NBPF3: variants seen among roughly 807,000 people sequenced by gnomAD.
The protein encoded by NBPF3 is NBPF family member NBPF3.
NBPF3 carries 57 observed loss-of-function variants against 78.1 expected under a neutral mutation model. That is an observed-to-expected ratio of 0.73 (90% confidence interval 0.59 to 0.91). The LOEUF is 0.91. Among genes scored for constraint, NBPF3 ranks in the 40% least tolerant of loss-of-function variants. The pLI is 0.00. For synonymous variants in NBPF3, 182 were observed against 271.7 expected, an observed-to-expected ratio of 0.67 and a Z score of 3.25; for missense variants, 510 against 715.3, an observed-to-expected ratio of 0.71 and a Z score of 3.27.
At chr1:21,480,761 A>G (rs1296743278) in intron 11 of NBPF3, among the ~76,000 whole-genome samples, 169 bp from the exon 12 acceptor site, 2 of 151,528 alleles carry the variant, frequency 1.3e-5, no homozygotes, top group African/African-American at 4.8e-5. Flanking sequence ...ATGCAAACCA[A>G]AGAATCTCTA....
At chr1:21,445,354 C>A (rs1264580399) in intron 2 of NBPF3, 135 bp downstream of exon 2, 16 of 1,021,328 alleles carry the variant, frequency 1.6e-5, no homozygotes, top group South Asian at 5.1e-5. Context: ...ATATTAAATA[C>A]GTATTTGTTA....
At position 21,473,526 on chromosome 1, in the gene NBPF3, C is replaced by T. The variant is rs1642723982; in HGVS notation, c.881C>T (p.Ser294Leu). The T allele has an allele frequency of 8.1e-6, 13 of 1,614,230 alleles. No homozygotes were observed. Among genetic ancestry groups the T allele is most frequent in the Non-Finnish European group, 1.1e-5 (13 of 1,180,046 alleles). ...ACATTTGAGGAAGACCAAGTCGACT[C>T]AACTCTCATTGACTCATCCTCTCAT... ...RITFEEDQVD[S>L]TLIDSSSHDE... is the part of the protein sequence containing the mutation. The change falls in exon 7 of 15, where the codon TCA becomes TTA. Residue 294 changes from serine (S) to leucine (L), a missense_variant. By Grantham distance (145) the Ser-to-Leu change is moderately radical. Coordinates refer to ENST00000318249, the MANE Select transcript of NBPF3 (RefSeq NM_032264.6).
chr1:21,483,006 A>G (rs1297447382), intron 14 of NBPF3, 137 bp from the exon 15 acceptor site: 19 of 868,456 alleles, frequency 2.2e-5, no homozygotes, highest in African/African-American at 2.1e-4. Flanking sequence ...CATAAAGGCA[A>G]TAATTTTTTT....
At chr1:21,448,981 T>C (rs1220308807) in intron 2 of NBPF3, among the ~76,000 whole-genome samples, 1 of 152,186 alleles carries the variant, frequency 6.6e-6, no homozygotes, top group African/African-American at 2.4e-5. Flanking sequence ...TTACTTGTTA[T>C]AAAAGTCAGC....
chr1:21,438,523 G>T (rs1203303811), upstream of NBPF3, among the ~76,000 whole-genome samples: 2 of 152,218 alleles, frequency 1.3e-5, no homozygotes, highest in East Asian at 3.8e-4. Flanking sequence ...GATCAAATAA[G>T]CTGTTCTATA....
intron 2 of NBPF3, among the ~76,000 whole-genome samples, chr1:21,466,766 T>C (rs1642293733): frequency 6.6e-6 from 1 of 152,126 alleles, no homozygotes; most frequent in East Asian, 1.9e-4. Flanking sequence ...TCCAAATACA[T>C]GATTTGCTAT....
At chr1:21,459,633 G>T (rs1051304764) in intron 2 of NBPF3, 19 of 252,206 alleles carry the variant, frequency 7.5e-5, no homozygotes, top group South Asian at 1.7e-4. Context: ...AAGCTGTGGG[G>T]AACGGTTGAG....
Position 21,483,184 on chromosome 1 carries a change from T to C in NBPF3, c.1700T>C (p.Leu567Ser). The change falls in exon 15 of 15, where the codon TTG becomes TCG. Residue 567 changes from leucine (L) to serine (S), a missense_variant. Leu to Ser is a moderately radical substitution (Grantham distance 145). Transcript: ENST00000318249. The stretch of plus-strand genomic sequence containing the variant: ...ATGGAAGCAGAAGAGCCTGAAGTCT[T>C]GCAGGACTCACTGGATAGATGTTAT... ...VLMEAEEPEV[L>S]QDSLDRCYST... 1 of 1,605,602 alleles carries C rather than the reference T, an allele frequency of 6.2e-7. No individual in the cohort carries two copies. The highest frequency in any genetic ancestry group is 1.1e-5 in the South Asian group (1 of 90,390).
rs772199404 is a variant in NBPF3 at position 21,471,721 on chromosome 1, T to G, written c.599T>G (p.Leu200Arg). ...CCGGACAACTCCCAGGGACGGGACC[T>G]CCGAGAACAGCTGGCTGAGGGATGT... ...DEPDNSQGRD[L>R]REQLAEGCRL... Residue 200 changes from leucine to arginine, a missense_variant, in exon 5 of 15, where the codon CTC becomes CGC. Coordinates refer to ENST00000318249, the MANE Select transcript of NBPF3 (RefSeq NM_032264.6). 1 of 1,610,744 alleles carries G rather than the reference T, an allele frequency of 6.2e-7. No individual in the cohort carries two copies. The highest frequency in any genetic ancestry group is 1.1e-5 in the South Asian group (1 of 90,780).
rs573244682 is a variant in NBPF3, at chr1:21,473,611, C to T, written c.940+26C>T. 48 of 1,580,306 alleles carry T rather than the reference C, an allele frequency of 3.0e-5. No homozygotes were observed. The African/African-American group carries it at 6.2e-4, about 20-fold the overall frequency. On this transcript the variant is annotated intron_variant, in intron 7 of 14. Coordinates refer to ENST00000318249, the MANE Select transcript of NBPF3 (RefSeq NM_032264.6). ...GTAGCCTCTATTTTCCTGTGTCTCA[C>T]ACCTTTTCCTATGCTGAGGAATATA...
At position 21,479,400 on chromosome 1, in the gene NBPF3, G is replaced by C. The variant is rs1643060132; in HGVS notation, c.1208G>C (p.Arg403Thr). The change falls in exon 10 of 15, where the codon AGG (arginine) becomes ACG (threonine). Residue 403 changes from arginine to threonine, a missense_variant and splice_region_variant. Coordinates refer to ENST00000318249, the MANE Select transcript of NBPF3 (RefSeq NM_032264.6). ...GAGGACCAAGAGGCCACAAGTCCCAGGTGAGTCTGAGAAATTATGGACAGT... is the reference window on the plus strand; with the variant it reads ...GAGGACCAAGAGGCCACAAGTCCCACGTGAGTCTGAGAAATTATGGACAGT... ...KKEDQEATSP[R>T]LSRELLDEKE... The C allele has an allele frequency of 6.2e-7, 1 of 1,609,818 alleles. No homozygotes were observed. The highest frequency in any genetic ancestry group is 1.3e-5 in the African/African-American group (1 of 74,854).
chr1:21,438,826 T>G (rs766608423), upstream of NBPF3, among the ~76,000 whole-genome samples: 2 of 152,234 alleles, frequency 1.3e-5, no homozygotes, highest in African/African-American at 4.8e-5. Flanking sequence ...TGGTGAACTA[T>G]AAAACTCTAA....
At chr1:21,448,624 A>G (rs755238531) in intron 2 of NBPF3, among the ~76,000 whole-genome samples, 4 of 152,208 alleles carry the variant, frequency 2.6e-5, no homozygotes, top group African/African-American at 7.2e-5. Context: ...AGACCATTGT[A>G]GTAAAACTTG....
chr1:21,452,742 C>G (rs568527001), intron 2 of NBPF3, among the ~76,000 whole-genome samples: 6 of 152,318 alleles, frequency 3.9e-5, no homozygotes, highest in Non-Finnish European at 8.8e-5. Context: ...ACCATGTGGT[C>G]TCTTGTTCCC....
rs1570095349 is a variant in NBPF3 at position 21,478,363 on chromosome 1, C to T, written c.1156+56C>T. 3 of 1,587,278 alleles carry T rather than the reference C, an allele frequency of 1.9e-6. No individual in the cohort carries two copies. The East Asian group carries it at 6.7e-5, about 35-fold the overall frequency. Reference sequence around the variant, plus strand: ...TCCAGTTCATGTCCCAGGTAGACCCCATAATCTTTGGGCCTTGTGACCCTG... The same window carrying T: ...TCCAGTTCATGTCCCAGGTAGACCCTATAATCTTTGGGCCTTGTGACCCTG... On this transcript the variant is annotated intron_variant, in intron 9 of 14. Transcript: ENST00000318249.
chr1:21,454,697 G>GTCAACCATATCAGCATACAGGCA (rs1641500800), intron 2 of NBPF3, among the ~76,000 whole-genome samples: 1 of 152,074 alleles, frequency 6.6e-6, no homozygotes, highest in Non-Finnish European at 1.5e-5. Flanking sequence ...CCATACAGGC[G>GTCAACCATATCAGCATACAGGCA]TCAACCATAT....
chr1:21,481,371 ACT>A (rs1466227867), intron 12 of NBPF3, among the ~76,000 whole-genome samples: 3 of 142,834 alleles, frequency 2.1e-5, no homozygotes, highest in Non-Finnish European at 4.5e-5. Context: ...GTGAGCGCTC[ACT>A]CTCTCTCTCT....
intron 3 of NBPF3, among the ~76,000 whole-genome samples, 189 bp downstream of exon 3, chr1:21,469,086 G>A (rs537885766): frequency 6.6e-6 from 1 of 152,260 alleles, no homozygotes; most frequent in South Asian, 2.1e-4. Flanking sequence ...AACTTTCCAT[G>A]TTTGCAGTCA....
chr1:21,457,167 C>CGTGT (rs56310866), intron 2 of NBPF3, among the ~76,000 whole-genome samples: 79,959 of 149,578 alleles, frequency 0.53, 23,830 homozygotes, highest in South Asian at 0.74. Context: ...TGGTGGCTCA[C>CGTGT]GTGTGTGTGT....
Sources: gnomAD v4.1 joint callset for allele counts (sites outside exome capture counted in the v4.1 genomes callset) on GRCh38, gnomAD v4.1.1 for gene constraint, MANE v1.5 for transcripts, NCBI Gene and HGNC (gene_info 2026-07-23, HGNC 2026-07-21) for gene names.